The following NUPR1 variants were observed in gnomAD, a reference collection of about 807,000 sequenced individuals.
NUPR1 encodes the protein nuclear protein 1.
Under a neutral mutation model 7.3 loss-of-function variants are expected in NUPR1, and 8 were observed. That is an observed-to-expected ratio of 1.09 (90% CI 0.64 to 1.97). NUPR1 has a LOEUF of 1.97. NUPR1 is among the 30% of genes most tolerant of loss of function. NUPR1 has a pLI of 0.00. For missense variants in NUPR1, 96 were observed against 111.7 expected, an observed-to-expected ratio of 0.86 and a Z score of 0.63; for synonymous variants, 39 against 44.5, an observed-to-expected ratio of 0.88 and a Z score of 0.49.
rs1270006730 is a variant in NUPR1 at position 28,537,135 on chromosome 16, C to G, written c.*548G>C. 6.6e-6 allele frequency: 1 copy of G among 152,124 alleles called. No homozygotes were observed. The highest frequency in any genetic ancestry group is 1.5e-5 in the Non-Finnish European group (1 of 68,058). The allele number at this position is 152,124 out of a possible 1,614,324, so 9.4% of individuals were successfully genotyped here. On this transcript the variant is annotated 3_prime_UTR_variant, in exon 3 of 3. Coordinates refer to ENST00000324873, the MANE Select transcript of NUPR1 (RefSeq NM_012385.3). ...AAATTCCTTTCCACTACGTAGGAGC[C>G]CACAGAAATGTATGCACTAAAATAT...
In NUPR1 at chr16:28,537,086, G is replaced by A. The variant is rs180953651; in HGVS notation, c.*597C>T. The A allele has an allele frequency of 9.4e-3, 1,433 of 152,304 alleles. 7 individuals carry two copies. Among genetic ancestry groups the A allele is most frequent in the South Asian group, 0.013 (63 of 4,826 alleles). 9.4% of individuals were successfully genotyped at this position (152,304 alleles called of 1,614,324 possible). On this transcript the variant is annotated 3_prime_UTR_variant, in exon 3 of 3. Transcript: ENST00000324873. ...GTGCTGGGGAGGGCCGTGTTTCATG[G>A]GCAGTATCGCAAAAAAGCAGAAGAA...
At position 28,533,246 on chromosome 16, in the gene NUPR1, G is replaced by A. The variant is rs2046592354; in HGVS notation, c.*4437C>T. The A allele has an allele frequency of 6.6e-6, 1 of 152,210 alleles. No individual in the cohort carries two copies. Among genetic ancestry groups the A allele is most frequent in the Non-Finnish European group, 1.5e-5 (1 of 68,054 alleles). The allele number at this position is 152,210 out of a possible 1,614,324, so 9.4% of individuals were successfully genotyped here. A position where few individuals can be genotyped will look rare whatever the true frequency, so the allele number is the denominator to read the frequency against. On this transcript the variant is annotated 3_prime_UTR_variant, in exon 3 of 3. Transcript: ENST00000324873. ...TAATATGTAACTTGTATGGAAAGAG[G>A]AGTTGGAGGCAAAATCTGAAGGATT...
rs1567277495 is a variant in NUPR1, at chr16:28,535,576, C to CTTTCTTTCTTTTCTTTCTTTA, written c.*2106_*2107insTAAAGAAAGAAAAGAAAGAAA. 2.5e-5 allele frequency: 1 copy of CTTTCTTTCTTTTCTTTCTTTA among 39,346 alleles called. No individual in the cohort carries two copies. The highest frequency in any genetic ancestry group is 1.6e-4 in the African/African-American group (1 of 6,270). 2.4% of individuals were successfully genotyped at this position (39,346 alleles called of 1,614,324 possible). ...CTTTCTTTCTTTCCTTCCTTCCTTTCTTTCTTTCTTTCTTTCTTTCTTTCT... is the reference window on the plus strand; with the variant it reads ...CTTTCTTTCTTTCCTTCCTTCCTTTCTTTCTTTCTTTTCTTTCTTTATTTCTTTCTTTCTTTCTTTCTTTCT... On this transcript the variant is annotated 3_prime_UTR_variant, in exon 3 of 3. Transcript: ENST00000324873.
chr16:28,535,572 C>CTTCCTTCCTTCCT lies in NUPR1; in HGVS notation c.*2110_*2111insAGGAAGGAAGGAA, dbSNP rs1491235596. The CTTCCTTCCTTCCT allele has an allele frequency of 1.1e-4, 1 of 8,854 alleles. No homozygotes were observed. The highest frequency in any genetic ancestry group is 0.02 in the East Asian group (1 of 50). 0.5% of individuals were successfully genotyped at this position (8,854 alleles called of 1,614,324 possible). On this transcript the variant is annotated 3_prime_UTR_variant, in exon 3 of 3. Transcript: ENST00000324873. ...CTTTCTTTCTTTCTTTCCTTCCTTCCTTTCTTTCTTTCTTTCTTTCTTTCT... is the reference window on the plus strand; with the variant it reads ...CTTTCTTTCTTTCTTTCCTTCCTTCCTTCCTTCCTTCCTTTTCTTTCTTTCTTTCTTTCTTTCT...
rs2046590838 is a variant in NUPR1 at position 28,532,848 on chromosome 16, T to C, written c.*4835A>G. 1 of 152,214 alleles carries C rather than the reference T, an allele frequency of 6.6e-6. No homozygotes were observed. Among genetic ancestry groups the C allele is most frequent in the African/African-American group, 2.4e-5 (1 of 41,444 alleles). 9.4% of individuals were successfully genotyped at this position (152,214 alleles called of 1,614,324 possible). On this transcript the variant is annotated 3_prime_UTR_variant, in exon 3 of 3. Coordinates refer to ENST00000324873, the MANE Select transcript of NUPR1 (RefSeq NM_012385.3). ...CCTACAGGATGTGGCTGTGTGACTTTAGGCAAATTACTTAATGTCTCCGAA... is the reference window on the plus strand; with the variant it reads ...CCTACAGGATGTGGCTGTGTGACTTCAGGCAAATTACTTAATGTCTCCGAA...
rs960544583 is a variant in NUPR1, at chr16:28,534,274, G to C, written c.*3409C>G. The C allele has an allele frequency of 1.3e-5, 2 of 152,204 alleles. No individual in the cohort carries two copies. Among genetic ancestry groups the C allele is most frequent in the African/African-American group, 4.8e-5 (2 of 41,430 alleles). 9.4% of individuals were successfully genotyped at this position (152,204 alleles called of 1,614,324 possible). On this transcript the variant is annotated 3_prime_UTR_variant, in exon 3 of 3. Coordinates refer to ENST00000324873, the MANE Select transcript of NUPR1 (RefSeq NM_012385.3). ...TCCTTAAATGTCCTTCCGGGTCATG[G>C]ATTCATTCTGTGGCTGTGATTAGGC...
At position 28,535,543 on chromosome 16, in the gene NUPR1, C is replaced by CTTTT. The variant is rs1567277336; in HGVS notation, c.*2139_*2140insAAAA. 1.5e-5 allele frequency: 1 copy of CTTTT among 66,058 alleles called. No homozygotes were observed. Among genetic ancestry groups the CTTTT allele is most frequent in the African/African-American group, 4.8e-5 (1 of 20,810 alleles). The allele number at this position is 66,058 out of a possible 1,614,324, so 4.1% of individuals were successfully genotyped here. On this transcript the variant is annotated 3_prime_UTR_variant, in exon 3 of 3. Coordinates refer to ENST00000324873, the MANE Select transcript of NUPR1 (RefSeq NM_012385.3). ...TCTTTCTTTCTTTCTTTCTTTCTTTCCTTCTTTCTTTCTTTCTTTCCTTCC... is the reference window on the plus strand; with the variant it reads ...TCTTTCTTTCTTTCTTTCTTTCTTTCTTTTCTTCTTTCTTTCTTTCTTTCCTTCC...
rs71140975 is a variant in NUPR1 at position 28,535,571 on chromosome 16, C to CCTTCCTTCTTTCCTTT, written c.*2111_*2112insAAAGGAAAGAAGGAAG. Reference sequence around the variant, plus strand: ...TCTTTCTTTCTTTCTTTCCTTCCTTCCTTTCTTTCTTTCTTTCTTTCTTTC... The same window carrying CCTTCCTTCTTTCCTTT: ...TCTTTCTTTCTTTCTTTCCTTCCTTCCTTCCTTCTTTCCTTTCTTTCTTTCTTTCTTTCTTTCTTTC... On this transcript the variant is annotated 3_prime_UTR_variant, in exon 3 of 3. Transcript: ENST00000324873. 1 of 71,886 alleles carries CCTTCCTTCTTTCCTTT rather than the reference C, an allele frequency of 1.4e-5. No homozygotes were observed. Among genetic ancestry groups the CCTTCCTTCTTTCCTTT allele is most frequent in the African/African-American group, 5.9e-5 (1 of 16,862 alleles). The allele number at this position is 71,886 out of a possible 1,614,324, so 4.5% of individuals were successfully genotyped here. A position where few individuals can be genotyped will look rare whatever the true frequency, so the allele number is the denominator to read the frequency against.
At position 28,536,944 on chromosome 16, in the gene NUPR1, G is replaced by C; in HGVS notation, c.*739C>G. 6.6e-6 allele frequency: 1 copy of C among 152,330 alleles called. No homozygotes were observed. The highest frequency in any genetic ancestry group is 1.5e-5 in the Non-Finnish European group (1 of 68,086). 9.4% of individuals were successfully genotyped at this position (152,330 alleles called of 1,614,324 possible). A position where few individuals can be genotyped will look rare whatever the true frequency, so the allele number is the denominator to read the frequency against. On this transcript the variant is annotated 3_prime_UTR_variant, in exon 3 of 3. Transcript: ENST00000324873. The stretch of plus-strand genomic sequence containing the variant: ...CCCAAAGTGCTGGGATTACAGGCGT[G>C]AGCCACTGCCCCCGGCCCTGGCTTT...
rs577767373 is a variant in NUPR1, at chr16:28,535,739, A to G, written c.*1944T>C. ...TCTTTCTTTCTTTCTTTTTCAATACATGGTTTCACTCTATTGCTCAGGCTG... is the reference window on the plus strand; with the variant it reads ...TCTTTCTTTCTTTCTTTTTCAATACGTGGTTTCACTCTATTGCTCAGGCTG... On this transcript the variant is annotated 3_prime_UTR_variant, in exon 3 of 3. Coordinates refer to ENST00000324873, the MANE Select transcript of NUPR1 (RefSeq NM_012385.3). 1 of 132,770 alleles carries G rather than the reference A, an allele frequency of 7.5e-6. No individual in the cohort carries two copies. Among genetic ancestry groups the G allele is most frequent in the African/African-American group, 2.8e-5 (1 of 35,228 alleles). The allele number at this position is 132,770 out of a possible 1,614,324, so 8.2% of individuals were successfully genotyped here.
rs1240924640 is a variant in NUPR1, at chr16:28,534,729, T to C, written c.*2954A>G. ...CATTCGGAGCAGATGTGATGTGTTC[T>C]ACTTTTAGATTATGCCCTAAAATTG... On this transcript the variant is annotated 3_prime_UTR_variant, in exon 3 of 3. Coordinates refer to ENST00000324873, the MANE Select transcript of NUPR1 (RefSeq NM_012385.3). The C allele has an allele frequency of 2.6e-5, 4 of 152,244 alleles. No homozygotes were observed. Among genetic ancestry groups the C allele is most frequent in the Non-Finnish European group, 4.4e-5 (3 of 68,044 alleles). The allele number at this position is 152,244 out of a possible 1,614,324, so 9.4% of individuals were successfully genotyped here.
rs1491423157 is a variant in NUPR1 at position 28,535,579 on chromosome 16, T to TCCTTCCTTCCTTC, written c.*2103_*2104insGAAGGAAGGAAGG. The stretch of plus-strand genomic sequence containing the variant: ...TCTTTCTTTCCTTCCTTCCTTTCTT[T>TCCTTCCTTCCTTC]CTTTCTTTCTTTCTTTCTTTCTTTC... On this transcript the variant is annotated 3_prime_UTR_variant, in exon 3 of 3. Transcript: ENST00000324873. 1.0e-4 allele frequency: 4 copies of TCCTTCCTTCCTTC among 39,210 alleles called. No homozygotes were observed. Among genetic ancestry groups the TCCTTCCTTCCTTC allele is most frequent in the African/African-American group, 5.3e-4 (4 of 7,514 alleles). 2.4% of individuals were successfully genotyped at this position (39,210 alleles called of 1,614,324 possible). A position where few individuals can be genotyped will look rare whatever the true frequency, so the allele number is the denominator to read the frequency against.
rs1400171565 is a variant in NUPR1 at position 28,535,227 on chromosome 16, A to C, written c.*2456T>G. The C allele has an allele frequency of 6.6e-6, 1 of 151,850 alleles. No homozygotes were observed. Among genetic ancestry groups the C allele is most frequent in the Non-Finnish European group, 1.5e-5 (1 of 67,930 alleles). The allele number at this position is 151,850 out of a possible 1,614,324, so 9.4% of individuals were successfully genotyped here. On this transcript the variant is annotated 3_prime_UTR_variant, in exon 3 of 3. Transcript: ENST00000324873. The stretch of plus-strand genomic sequence containing the variant: ...ATGAGCCCTGAGTGAGCTAGGGCAA[A>C]TCCCTTAATATTTCCTTCCCTCCTT...
intron 1 of NUPR1, 109 bp from the exon 2 acceptor site, chr16:28,538,264 A>G: frequency 6.7e-7 from 1 of 1,493,096 alleles, no homozygotes; most frequent in South Asian, 1.2e-5. Flanking sequence ...AGCAGGGAGA[A>G]GCCTGCTGCT....
Position 28,533,338 on chromosome 16 carries a change from G to A in NUPR1, c.*4345C>T, listed in dbSNP as rs1177979379. The A allele has an allele frequency of 6.6e-6, 1 of 152,276 alleles. No homozygotes were observed. Among genetic ancestry groups the A allele is most frequent in the East Asian group, 1.9e-4 (1 of 5,200 alleles). 9.4% of individuals were successfully genotyped at this position (152,276 alleles called of 1,614,324 possible). On this transcript the variant is annotated 3_prime_UTR_variant, in exon 3 of 3. Transcript: ENST00000324873. ...GATCCCAGAGGAGGGTCGGCCTGGG[G>A]TGGAGGTCAGGAGATGGGTGGAGGA...
At position 28,535,556 on chromosome 16, in the gene NUPR1, T is replaced by TTTCCTTCCTTCCTTCC. The variant is rs1456226055; in HGVS notation, c.*2126_*2127insGGAAGGAAGGAAGGAA. ...CTTTCTTTCTTTCCTTCTTTCTTTC[T>TTTCCTTCCTTCCTTCC]TTCTTTCCTTCCTTCCTTTCTTTCT... On this transcript the variant is annotated 3_prime_UTR_variant, in exon 3 of 3. Coordinates refer to ENST00000324873, the MANE Select transcript of NUPR1 (RefSeq NM_012385.3). 3 of 32,760 alleles carry TTTCCTTCCTTCCTTCC rather than the reference T, an allele frequency of 9.2e-5. 1 individual carries two copies. Among genetic ancestry groups the TTTCCTTCCTTCCTTCC allele is most frequent in the South Asian group, 1.2e-3 (1 of 824 alleles). 2.0% of individuals were successfully genotyped at this position (32,760 alleles called of 1,614,324 possible).
Position 28,535,571 on chromosome 16 carries a change from C to CTTTCTTTCTTTTT in NUPR1, c.*2111_*2112insAAAAAGAAAGAAA, listed in dbSNP as rs1555472555. The CTTTCTTTCTTTTT allele has an allele frequency of 1.1e-4, 8 of 71,886 alleles. No individual in the cohort carries two copies. Among genetic ancestry groups the CTTTCTTTCTTTTT allele is most frequent in the Non-Finnish European group, 5.2e-5 (2 of 38,512 alleles). The allele number at this position is 71,886 out of a possible 1,614,324, so 4.5% of individuals were successfully genotyped here. ...TCTTTCTTTCTTTCTTTCCTTCCTTCCTTTCTTTCTTTCTTTCTTTCTTTC... is the reference window on the plus strand; with the variant it reads ...TCTTTCTTTCTTTCTTTCCTTCCTTCTTTCTTTCTTTTTCTTTCTTTCTTTCTTTCTTTCTTTC... On this transcript the variant is annotated 3_prime_UTR_variant, in exon 3 of 3. Transcript: ENST00000324873.
chr16:28,535,571 C>CTTTCTTTCTTTCCTT lies in NUPR1; in HGVS notation c.*2111_*2112insAAGGAAAGAAAGAAA, dbSNP rs1555472555. 7.9e-4 allele frequency: 57 copies of CTTTCTTTCTTTCCTT among 71,882 alleles called. No individual in the cohort carries two copies. The highest frequency in any genetic ancestry group is 5.7e-3 in the Middle Eastern group (1 of 174). The allele number at this position is 71,882 out of a possible 1,614,324, so 4.5% of individuals were successfully genotyped here. A position where few individuals can be genotyped will look rare whatever the true frequency, so the allele number is the denominator to read the frequency against. ...TCTTTCTTTCTTTCTTTCCTTCCTT[C>CTTTCTTTCTTTCCTT]CTTTCTTTCTTTCTTTCTTTCTTTC... On this transcript the variant is annotated 3_prime_UTR_variant, in exon 3 of 3. Transcript: ENST00000324873.
chr16:28,538,851 G>C lies in NUPR1; in HGVS notation c.57C>G (p.Asp19Glu). ...SAPQQPPGPE[D>E]EDSSLDESDL... Reference sequence around the variant, plus strand: ...CAGATTCATCCAGGCTGGAGTCCTCGTCCTCCGGGCCTGGGGGCTGCTGGG... The same window carrying C: ...CAGATTCATCCAGGCTGGAGTCCTCCTCCTCCGGGCCTGGGGGCTGCTGGG... Residue 19 changes from aspartate to glutamate, a missense_variant, in exon 1 of 3, where the codon GAC becomes GAG. By Grantham distance (45) the Asp-to-Glu change is conservative. Coordinates refer to ENST00000324873, the MANE Select transcript of NUPR1 (RefSeq NM_012385.3). 1 of 1,613,284 alleles carries C rather than the reference G, an allele frequency of 6.2e-7. No homozygotes were observed.
Sources: allele counts gnomAD v4.1 joint callset, GRCh38; gene constraint gnomAD v4.1.1; transcripts MANE v1.5; gene names NCBI Gene and HGNC (gene_info 2026-07-23, HGNC 2026-07-21).